The following MMP16 variants were observed in gnomAD, a reference collection of about 807,000 sequenced individuals.
The protein encoded by MMP16 is matrix metalloproteinase-16.
Under a neutral mutation model 67.8 loss-of-function variants are expected in MMP16, and 12 were observed. That is an observed-to-expected ratio of 0.18 (90% CI 0.11 to 0.29). MMP16 has a LOEUF of 0.29. Ranked by LOEUF, MMP16 falls within the 10% of genes least tolerant of loss-of-function variation. The probability of loss-of-function intolerance (pLI) is 1.00; values close to 1 mark genes in which losing one functional copy is unlikely to be tolerated. For missense variants in MMP16, 475 were observed against 765.7 expected (o/e 0.62, Z 4.48); for synonymous variants, 249 against 255.9 (o/e 0.97, Z 0.26).
intron 6 of MMP16, among the ~76,000 whole-genome samples, chr8:88,115,995 A>G (rs1418018106): frequency 6.6e-6 from 1 of 152,156 alleles, no homozygotes; most frequent in Non-Finnish European, 1.5e-5. Context: ...ATTCATATGT[A>G]AAGTCAAAAT....
rs564809375 is a variant in MMP16 at position 88,238,260 on chromosome 8, C to T, written c.133-40954G>A. 2.8e-4 allele frequency among the ~76,000 whole-genome samples: 42 copies of T among 152,254 alleles called. 1 individual carries two copies. Among genetic ancestry groups the T allele is most frequent in the South Asian group, 2.5e-3 (12 of 4,828 alleles). On this transcript the variant is annotated intron_variant, in intron 1 of 9. Transcript: ENST00000286614. Reference sequence around the variant, plus strand: ...AGGCATAGTGTCTCACGCCTGTAATCCCAGCATGTTGGGAAGCCGAGGCAG... The same window carrying T: ...AGGCATAGTGTCTCACGCCTGTAATTCCAGCATGTTGGGAAGCCGAGGCAG...
chr8:88,074,541 C>T, intron 7 of MMP16, 64 bp downstream of exon 7: 1 of 1,447,244 alleles, frequency 6.9e-7, no homozygotes. Context: ...CTTTTGTGTG[C>T]ACCACAGGGT....
At chr8:88,056,857 G>T (rs1347802245) in intron 7 of MMP16, among the ~76,000 whole-genome samples, 2 of 152,086 alleles carry the variant, frequency 1.3e-5, no homozygotes, top group Non-Finnish European at 2.9e-5. Flanking sequence ...GGTAACTGAG[G>T]GGAGGAAAAT....
intron 6 of MMP16, among the ~76,000 whole-genome samples, chr8:88,094,423 T>G (rs1312466455): frequency 6.6e-6 from 1 of 151,668 alleles, no homozygotes; most frequent in Non-Finnish European, 1.5e-5. Flanking sequence ...TTAACAACCT[T>G]TTTAACACTA....
At chr8:88,183,413 T>G (rs532165217) in intron 3 of MMP16, among the ~76,000 whole-genome samples, 2 of 152,346 alleles carry the variant, frequency 1.3e-5, no homozygotes, top group East Asian at 3.9e-4. Flanking sequence ...GTTTTTAGGC[T>G]GACTATATTT....
chr8:88,226,727 A>C (rs899454418), intron 1 of MMP16, among the ~76,000 whole-genome samples: 1 of 151,888 alleles, frequency 6.6e-6, no homozygotes, highest in Non-Finnish European at 1.5e-5. Flanking sequence ...TGTCTTGGTA[A>C]GGCATGTCCG....
chr8:88,228,705 A>ATATT (rs1247020347), intron 1 of MMP16, among the ~76,000 whole-genome samples: 1 of 152,122 alleles, frequency 6.6e-6, no homozygotes, highest in Admixed American at 6.6e-5. Flanking sequence ...CTTTAGACCA[A>ATATT]TATTTATAAT....
chr8:88,124,027 A>G (rs1807885383), intron 4 of MMP16, among the ~76,000 whole-genome samples: 1 of 152,028 alleles, frequency 6.6e-6, no homozygotes. Flanking sequence ...TTTGACTATG[A>G]AAAATGTTTA....
At chr8:88,249,044 G>A (rs1469267500) in intron 1 of MMP16, among the ~76,000 whole-genome samples, 3 of 151,960 alleles carry the variant, frequency 2.0e-5, no homozygotes, top group African/African-American at 7.2e-5. Flanking sequence ...GGCTGGGGAT[G>A]AATCAGGATT....
intron 4 of MMP16, among the ~76,000 whole-genome samples, chr8:88,143,455 T>C (rs541214890): frequency 5.3e-5 from 8 of 152,240 alleles, no homozygotes; most frequent in Non-Finnish European, 8.8e-5. Context: ...TTTAGATATA[T>C]TGAGCAAATG....
intron 1 of MMP16, among the ~76,000 whole-genome samples, chr8:88,214,564 A>G (rs529017452): frequency 6.6e-6 from 1 of 152,270 alleles, no homozygotes; most frequent in Non-Finnish European, 1.5e-5. Context: ...TTTTGAAGTA[A>G]GTATATATAT....
At chr8:88,203,821 A>G (rs1809382313) in intron 1 of MMP16, among the ~76,000 whole-genome samples, 1 of 152,222 alleles carries the variant, frequency 6.6e-6, no homozygotes, top group Admixed American at 6.5e-5. Context: ...TTTTACGAAA[A>G]GACAAAAGTG....
intron 1 of MMP16, among the ~76,000 whole-genome samples, chr8:88,198,753 A>C (rs1027921133): frequency 6.6e-6 from 1 of 152,106 alleles, no homozygotes; most frequent in African/African-American, 2.4e-5. Flanking sequence ...TTAAGAAATG[A>C]GCAATGCATC....
chr8:88,309,999 G>A (rs1454145221), intron 1 of MMP16, among the ~76,000 whole-genome samples: 1 of 152,080 alleles, frequency 6.6e-6, no homozygotes, highest in Admixed American at 6.6e-5. Flanking sequence ...GTAGCTCAAA[G>A]AGGGATGGAA....
chr8:88,247,887 G>A (rs1366733274), intron 1 of MMP16, among the ~76,000 whole-genome samples: 2 of 151,948 alleles, frequency 1.3e-5, no homozygotes, highest in Non-Finnish European at 2.9e-5. Context: ...TCTCATCACA[G>A]TGATGAGGCC....
At chr8:88,300,320 T>C (rs1680524606) in intron 1 of MMP16, among the ~76,000 whole-genome samples, 1 of 152,218 alleles carries the variant, frequency 6.6e-6, no homozygotes, top group Non-Finnish European at 1.5e-5. Flanking sequence ...TGGTTTCAGT[T>C]ACCCACAATC....
chr8:88,285,554 T>C (rs1810816504), intron 1 of MMP16, among the ~76,000 whole-genome samples: 1 of 152,176 alleles, frequency 6.6e-6, no homozygotes, highest in Non-Finnish European at 1.5e-5. Flanking sequence ...CTATAAAAGA[T>C]GAGCTATTTC....
rs142333496 is a variant in MMP16 at position 88,194,112 on chromosome 8, T to C, written c.281+3046A>G. ...ACATTTAAGGTAATACCTTAATTTA[T>C]TGTTTGAAAATGGTTAATTTATTCA... On this transcript the variant is annotated intron_variant, in intron 2 of 9. Coordinates refer to ENST00000286614, the MANE Select transcript of MMP16 (RefSeq NM_005941.5). 1.5e-4 allele frequency among the ~76,000 whole-genome samples: 23 copies of C among 152,176 alleles called. 2 individuals carry two copies. The highest frequency in any genetic ancestry group is 3.4e-3 in the Middle Eastern group (1 of 294).
At position 88,259,588 on chromosome 8, in the gene MMP16, AAAAAAT is replaced by A. The variant is rs574929720; in HGVS notation, c.133-62288_133-62283del. 2.5e-4 allele frequency among the ~76,000 whole-genome samples: 38 copies of A among 152,210 alleles called. No individual in the cohort carries two copies. The South Asian group carries it at 7.5e-3, about 30-fold the overall frequency. ...TATCCTTATGTTTAATAGCCAAGCAAAAAAATAAAAATAAAAATAAAAAAAAGAAAG... is the reference window on the plus strand; with the variant it reads ...TATCCTTATGTTTAATAGCCAAGCAAAAAAATAAAAATAAAAAAAAGAAAG... On this transcript the variant is annotated intron_variant, in intron 1 of 9. Coordinates refer to ENST00000286614, the MANE Select transcript of MMP16 (RefSeq NM_005941.5).
Sources: allele counts gnomAD v4.1 joint callset (sites outside exome capture counted in the v4.1 genomes callset), GRCh38; gene constraint gnomAD v4.1.1; transcripts MANE v1.5; gene names NCBI Gene and HGNC (gene_info 2026-07-23, HGNC 2026-07-21).